Variants in CSMD1 observed in about 807,000 individuals in gnomAD.
The protein encoded by CSMD1 is CUB and Sushi multiple domains 1, also known as CUB and sushi domain-containing protein 1.
In CSMD1, 213 loss-of-function variants were observed where a neutral mutation model predicts 417.5. The observed-to-expected ratio is 0.51, with a 90% confidence interval of 0.46 to 0.57. CSMD1 has a LOEUF of 0.57. CSMD1 is among the 20% of genes least tolerant of loss of function. The pLI is 0.00. For synonymous variants in CSMD1, 2,862 were observed against 1,736.8 expected (o/e 1.65, Z -16.11); for missense variants, 6,923 against 4,529.7 (o/e 1.53, Z -15.17).
chr8:2,955,513 G>C, intron 64 of CSMD1, 76 bp downstream of exon 64: 1 of 1,448,754 alleles, frequency 6.9e-7, no homozygotes, highest in South Asian at 1.3e-5. Context: ...CTCACACGTG[G>C]ACACTAGCCT....
intron 6 of CSMD1, among the ~76,000 whole-genome samples, chr8:3,746,670 G>T (rs1393747276): frequency 6.6e-6 from 1 of 152,030 alleles, no homozygotes; most frequent in Non-Finnish European, 1.5e-5. Context: ...TTCAACATTA[G>T]TAAGAAATTA....
chr8:4,904,457 CA>C (rs1193613976), intron 1 of CSMD1, among the ~76,000 whole-genome samples: 1 of 152,152 alleles, frequency 6.6e-6, no homozygotes, highest in African/African-American at 2.4e-5. Flanking sequence ...AGGTAAGAGA[CA>C]TGTTCAAAGT....
chr8:3,177,950 T>C (rs1254967722), intron 37 of CSMD1, among the ~76,000 whole-genome samples: 2 of 152,260 alleles, frequency 1.3e-5, no homozygotes, highest in Non-Finnish European at 2.9e-5. Context: ...GTGACACTTG[T>C]GTTAATTCTC....
At chr8:4,074,909 T>C (rs1256195829) in intron 3 of CSMD1, among the ~76,000 whole-genome samples, 1 of 152,158 alleles carries the variant, frequency 6.6e-6, no homozygotes, top group South Asian at 2.1e-4. Context: ...AAGTAGTTTC[T>C]CTGGATAAGG....
At chr8:4,284,261 G>A (rs879718873) in intron 3 of CSMD1, among the ~76,000 whole-genome samples, 12 of 152,154 alleles carry the variant, frequency 7.9e-5, no homozygotes, top group Admixed American at 2.6e-4. Context: ...TTAGCTGCTC[G>A]CGAGGCTGAG....
chr8:4,595,444 G>A (rs760334079), intron 2 of CSMD1, among the ~76,000 whole-genome samples: 2 of 141,536 alleles, frequency 1.4e-5, no homozygotes, highest in Non-Finnish European at 3.1e-5. Context: ...CAATGGAAAG[G>A]CCTGGTAAGA....
chr8:4,917,384 C>A (rs1436766019), intron 1 of CSMD1, among the ~76,000 whole-genome samples: 1 of 152,176 alleles, frequency 6.6e-6, no homozygotes, highest in African/African-American at 2.4e-5. Context: ...CCTGTAACCC[C>A]AGCACTTTGG....
intron 3 of CSMD1, among the ~76,000 whole-genome samples, chr8:4,092,471 A>G (rs1156814670): frequency 6.6e-6 from 1 of 152,194 alleles, no homozygotes; most frequent in Non-Finnish European, 1.5e-5. Context: ...ATCTTTGGTA[A>G]AATGATAATT....
intron 22 of CSMD1, among the ~76,000 whole-genome samples, chr8:3,346,689 G>A (rs527499627): frequency 2.0e-5 from 3 of 152,292 alleles, no homozygotes; most frequent in South Asian, 4.2e-4. Flanking sequence ...GAGCCCGGCG[G>A]GGGCTCCATT....
intron 5 of CSMD1, among the ~76,000 whole-genome samples, chr8:3,896,312 G>A (rs144838293): frequency 2.6e-5 from 4 of 152,052 alleles, no homozygotes; most frequent in African/African-American, 7.3e-5. Flanking sequence ...ATGCATAAAT[G>A]TATTTCCAGA....
chr8:4,025,332 G>C (rs943850393), intron 4 of CSMD1, among the ~76,000 whole-genome samples: 3 of 152,146 alleles, frequency 2.0e-5, no homozygotes, highest in Non-Finnish European at 4.4e-5. Flanking sequence ...CAGTCAGGAA[G>C]AATACCTTGT....
chr8:3,868,505 C>G (rs1004058073), intron 5 of CSMD1, among the ~76,000 whole-genome samples: 2 of 152,082 alleles, frequency 1.3e-5, no homozygotes, highest in Admixed American at 6.6e-5. Context: ...ACAAAGAACA[C>G]TTACCAACAC....
intron 3 of CSMD1, among the ~76,000 whole-genome samples, chr8:4,361,647 C>T (rs1197547603): frequency 6.6e-6 from 1 of 151,954 alleles, no homozygotes; most frequent in Non-Finnish European, 1.5e-5. Context: ...TTTGTTTTTC[C>T]TTAAAGAAGT....
chr8:4,374,675 T>C (rs1050590717), intron 3 of CSMD1, among the ~76,000 whole-genome samples: 18 of 152,092 alleles, frequency 1.2e-4, no homozygotes, highest in Non-Finnish European at 2.4e-4. Flanking sequence ...GGCTAGATTA[T>C]AAAGGTGGCA....
rs145363576 is a variant in CSMD1, at chr8:4,396,957, A to G, written c.415+22996T>C. Among the ~76,000 whole-genome samples, 98 of 152,224 alleles carry G rather than the reference A, an allele frequency of 6.4e-4. 1 individual carries two copies. The highest frequency in any genetic ancestry group is 2.1e-3 in the African/African-American group (88 of 41,524). On this transcript the variant is annotated intron_variant, in intron 3 of 69. Transcript: ENST00000635120. Reference sequence around the variant, plus strand: ...ACACTGCCTGGGTGATGAGTGCACCAAAGTCTCAGAAATCACTAAAGGACC... The same window carrying G: ...ACACTGCCTGGGTGATGAGTGCACCGAAGTCTCAGAAATCACTAAAGGACC...
intron 2 of CSMD1, among the ~76,000 whole-genome samples, chr8:4,497,229 A>C (rs1217542): frequency 0.8 from 122,132 of 152,064 alleles, 49,091 homozygotes; most frequent in Admixed American, 0.86. Flanking sequence ...CTCCTGGATG[A>C]TCACTTCCTC....
intron 1 of CSMD1, among the ~76,000 whole-genome samples, chr8:4,808,085 T>C (rs1007452809): frequency 6.6e-6 from 1 of 152,188 alleles, no homozygotes. Flanking sequence ...AATGTCCTTA[T>C]TAGCATGCTT....
intron 5 of CSMD1, among the ~76,000 whole-genome samples, chr8:3,897,516 C>A (rs929791485): frequency 6.6e-6 from 1 of 151,854 alleles, no homozygotes; most frequent in African/African-American, 2.4e-5. Flanking sequence ...ACTTGGAATG[C>A]TTAAAGCCTG....
chr8:4,272,302 C>G (rs117096591), intron 3 of CSMD1, among the ~76,000 whole-genome samples: 1 of 152,000 alleles, frequency 6.6e-6, no homozygotes, highest in Non-Finnish European at 1.5e-5. Flanking sequence ...CATTTTTTTC[C>G]TTGCCAATGT....
Sources: gnomAD v4.1 joint callset for allele counts (sites outside exome capture counted in the v4.1 genomes callset) on GRCh38, gnomAD v4.1.1 for gene constraint, MANE v1.5 for transcripts, NCBI Gene and HGNC (gene_info 2026-07-23, HGNC 2026-07-21) for gene names.